Variants in GALM observed in about 807,000 individuals in gnomAD.
GALM encodes the protein aldose 1-epimerase.
In GALM, 43 loss-of-function variants were observed where a neutral mutation model predicts 37.4. The ratio of observed to expected loss-of-function variants is 1.15; its 90% CI spans 0.90 to 1.48. The LOEUF (loss-of-function observed/expected upper bound fraction) is 1.48. GALM is among the 40% of genes most tolerant of loss of function. The probability of loss-of-function intolerance (pLI) is 0.00; values close to 1 mark genes in which losing one functional copy is unlikely to be tolerated. For synonymous variants in GALM, 199 were observed against 170.6 expected (o/e 1.17, Z -1.30); for missense variants, 456 against 419.1 (o/e 1.09, Z -0.77).
At chr2:38,670,156 G>A (rs544229824) in intron 1 of GALM, among the ~76,000 whole-genome samples, 81 of 152,108 alleles carry the variant, frequency 5.3e-4, no homozygotes, top group African/African-American at 1.8e-3. Flanking sequence ...GAGCCACCAC[G>A]CCCAGCCTAA....
rs549705332 is a variant in GALM, at chr2:38,679,280, C to T, written c.346-2000C>T. Among the ~76,000 whole-genome samples, 229 of 152,298 alleles carry T rather than the reference C, an allele frequency of 1.5e-3. 1 individual carries two copies. Among genetic ancestry groups the T allele is most frequent in the African/African-American group, 5.1e-3 (210 of 41,556 alleles). ...GTGATTACAAGTGTGAGCCACTGCA[C>T]CCGGCCACATGTGTGACTTTAAACA... On this transcript the variant is annotated intron_variant, in intron 2 of 6. Transcript: ENST00000272252.
At chr2:38,690,301 G>A (rs1203795927) in intron 4 of GALM, among the ~76,000 whole-genome samples, 6 of 151,802 alleles carry the variant, frequency 4.0e-5, no homozygotes, top group African/African-American at 9.7e-5. Flanking sequence ...GTGAGACCCC[G>A]TCTTATTTTT....
Position 38,710,753 on chromosome 2 carries a change from C to CTT in GALM, c.635-18786_635-18785dup, listed in dbSNP as rs531054454. Among the ~76,000 whole-genome samples, 577 of 133,402 alleles carry CTT rather than the reference C, an allele frequency of 4.3e-3. 3 individuals are homozygous for CTT. Among genetic ancestry groups the CTT allele is most frequent in the African/African-American group, 0.015 (554 of 36,446 alleles). The allele number at this position is 133,402 out of a possible 152,430, so 87.5% of individuals were successfully genotyped here. On this transcript the variant is annotated intron_variant, in intron 4 of 6. Coordinates refer to ENST00000272252, the MANE Select transcript of GALM (RefSeq NM_138801.3). ...GTTTGGTCATACTGGTCATTTCCTT[C>CTT]TTTTTTTTTTTTTTTTTTAGACGGA...
chr2:38,708,931 G>A (rs1287793787), intron 4 of GALM, among the ~76,000 whole-genome samples: 7 of 152,164 alleles, frequency 4.6e-5, no homozygotes, highest in Non-Finnish European at 1.0e-4. Flanking sequence ...CCGTGAATCT[G>A]TGGTGGCCTC....
intron 4 of GALM, among the ~76,000 whole-genome samples, chr2:38,708,038 C>A (rs994187562): frequency 1.3e-5 from 2 of 151,820 alleles, no homozygotes; most frequent in Non-Finnish European, 2.9e-5. Context: ...AGCTGGGAGA[C>A]GGAGGTTGCA....
intron 4 of GALM, chr2:38,698,550 C>T: frequency 2.4e-6 from 1 of 423,206 alleles, no homozygotes; most frequent in Non-Finnish European, 4.1e-6. Flanking sequence ...ACCCATAAAG[C>T]ATTTGCTGCT....
chr2:38,723,368 C>G (rs996134332), intron 4 of GALM, among the ~76,000 whole-genome samples: 4 of 152,198 alleles, frequency 2.6e-5, no homozygotes, highest in Non-Finnish European at 5.9e-5. Context: ...GCTAAAATGA[C>G]CTGCTGTGAC....
At chr2:38,725,407 A>C (rs1666464225) in intron 4 of GALM, among the ~76,000 whole-genome samples, 1 of 152,014 alleles carries the variant, frequency 6.6e-6, no homozygotes, top group African/African-American at 2.4e-5. Flanking sequence ...GTGCTGGTAC[A>C]TGCCTGGGGT....
intron 2 of GALM, among the ~76,000 whole-genome samples, chr2:38,680,524 C>T (rs543108261): frequency 3.1e-4 from 47 of 152,168 alleles, no homozygotes; most frequent in African/African-American, 1.1e-3. Context: ...TAGGCTACAA[C>T]TCTTCTTAAT....
At chr2:38,683,066 A>G (rs112459993) in intron 3 of GALM, among the ~76,000 whole-genome samples, 51 of 152,242 alleles carry the variant, frequency 3.3e-4, no homozygotes, top group East Asian at 2.5e-3. Context: ...TGTTTTTTAC[A>G]TTTTTTGCAT....
intron 4 of GALM, among the ~76,000 whole-genome samples, chr2:38,726,856 AC>A (rs1285715649): frequency 6.6e-6 from 1 of 151,336 alleles, no homozygotes; most frequent in Non-Finnish European, 1.5e-5. Context: ...AGATCACGCC[AC>A]TGCACTCCAG....
chr2:38,733,372 C>T (rs949906888), intron 6 of GALM, 116 bp from the exon 7 acceptor site: 12 of 835,118 alleles, frequency 1.4e-5, no homozygotes, highest in East Asian at 4.9e-5. Context: ...AAACAGTTCC[C>T]GCACTGGCAG....
chr2:38,682,438 G>A (rs1320699357), intron 3 of GALM, among the ~76,000 whole-genome samples: 2 of 152,140 alleles, frequency 1.3e-5, no homozygotes, highest in African/African-American at 4.8e-5. Flanking sequence ...TTTTTATACT[G>A]TTTCAGGAGT....
In GALM at chr2:38,701,689, C is replaced by A. The variant is rs1476886130; in HGVS notation, c.634+11795C>A. On this transcript the variant is annotated intron_variant, in intron 4 of 6. Coordinates refer to ENST00000272252, the MANE Select transcript of GALM (RefSeq NM_138801.3). Reference sequence around the variant, plus strand: ...TTATTTCAACCTCTGTCGGTTAAACCTACAATTCGGCAGATGATATAATTA... The same window carrying A: ...TTATTTCAACCTCTGTCGGTTAAACATACAATTCGGCAGATGATATAATTA... Among the ~76,000 whole-genome samples, 3 of 152,262 alleles carry A rather than the reference C, an allele frequency of 2.0e-5. No homozygotes were observed. The East Asian group carries it at 5.8e-4, about 29-fold the overall frequency.
chr2:38,728,995 T>A (rs368362341), intron 4 of GALM, among the ~76,000 whole-genome samples: 33 of 152,350 alleles, frequency 2.2e-4, no homozygotes, highest in African/African-American at 7.7e-4. Context: ...TATATGTTAC[T>A]ATATATTTAT....
At chr2:38,703,325 C>CT (rs1322565537) in intron 4 of GALM, among the ~76,000 whole-genome samples, 1 of 150,754 alleles carries the variant, frequency 6.6e-6, no homozygotes, top group Non-Finnish European at 1.5e-5. Flanking sequence ...AGGCTGGTCT[C>CT]TAATTCCCGA....
chr2:38,725,509 C>A (rs1666467565), intron 4 of GALM, among the ~76,000 whole-genome samples: 1 of 151,250 alleles, frequency 6.6e-6, no homozygotes, highest in African/African-American at 2.4e-5. Context: ...GCACTACAGC[C>A]TGGGTAACAG....
At chr2:38,732,222 A>C (rs2148461023) in intron 6 of GALM, among the ~76,000 whole-genome samples, 1 of 152,142 alleles carries the variant, frequency 6.6e-6, no homozygotes, top group East Asian at 1.9e-4. Context: ...ATGCCTGCTT[A>C]ATTTTTGTAT....
intron 4 of GALM, among the ~76,000 whole-genome samples, chr2:38,708,531 G>T (rs1039680857): frequency 2.2e-4 from 33 of 152,110 alleles, no homozygotes; most frequent in African/African-American, 7.7e-4. Context: ...CATGAGGTCA[G>T]GAGAGCGAGA....
Sources: gnomAD v4.1 joint callset for allele counts (sites outside exome capture counted in the v4.1 genomes callset) on GRCh38, gnomAD v4.1.1 for gene constraint, MANE v1.5 for transcripts, NCBI Gene and HGNC (gene_info 2026-07-23, HGNC 2026-07-21) for gene names.